PDGFC: variants seen among roughly 807,000 people sequenced by gnomAD.
The protein encoded by PDGFC is platelet derived growth factor C.
Under a neutral mutation model 35.5 loss-of-function variants are expected in PDGFC, and 12 were observed. The observed-to-expected ratio is 0.34, with a 90% CI of 0.22 to 0.55. The LOEUF (loss-of-function observed/expected upper bound fraction) is 0.55. PDGFC is among the 20% of genes least tolerant of loss of function. The pLI is 0.91. For synonymous variants in PDGFC, 159 were observed against 148.8 expected (o/e 1.07, Z -0.50); for missense variants, 322 against 412.4 (o/e 0.78, Z 1.90).
chr4:156,834,266 T>C (rs764733698), intron 2 of PDGFC, among the ~76,000 whole-genome samples: 1 of 152,190 alleles, frequency 6.6e-6, no homozygotes, highest in East Asian at 1.9e-4. Context: ...CAAACTATTA[T>C]AATCACTTTT....
At chr4:156,950,645 TAA>T (rs1732057304) in intron 1 of PDGFC, among the ~76,000 whole-genome samples, 1 of 151,822 alleles carries the variant, frequency 6.6e-6, no homozygotes, top group Admixed American at 6.6e-5. Flanking sequence ...CTTCTAAACC[TAA>T]GAGGTAGAAG....
intron 1 of PDGFC, among the ~76,000 whole-genome samples, chr4:156,865,659 G>C: frequency 6.6e-6 from 1 of 152,142 alleles, no homozygotes. Flanking sequence ...AAGACATTAT[G>C]AACAAAGAGG....
chr4:156,845,602 A>T (rs1270586948), intron 2 of PDGFC, among the ~76,000 whole-genome samples: 1 of 151,856 alleles, frequency 6.6e-6, no homozygotes, highest in African/African-American at 2.4e-5. Flanking sequence ...ATAGACATAT[A>T]AATAAACTAT....
intron 1 of PDGFC, among the ~76,000 whole-genome samples, chr4:156,873,537 C>T (rs1730036233): frequency 6.6e-6 from 1 of 152,176 alleles, no homozygotes; most frequent in Non-Finnish European, 1.5e-5. Flanking sequence ...TTTGTTTCCA[C>T]AGACATTTCC....
chr4:156,827,134 T>C (rs931345903), intron 2 of PDGFC, among the ~76,000 whole-genome samples: 1 of 152,158 alleles, frequency 6.6e-6, no homozygotes, highest in African/African-American at 2.4e-5. Context: ...TAAGAACAGA[T>C]TGGCTGGGCA....
intron 3 of PDGFC, among the ~76,000 whole-genome samples, chr4:156,776,353 T>TA (rs1560806697): frequency 6.6e-6 from 1 of 152,206 alleles, no homozygotes; most frequent in East Asian, 1.9e-4. Flanking sequence ...TTATTCTTCA[T>TA]AAAAATATGA....
chr4:156,915,718 T>A (rs775004916), intron 1 of PDGFC, among the ~76,000 whole-genome samples: 1 of 151,968 alleles, frequency 6.6e-6, no homozygotes, highest in Non-Finnish European at 1.5e-5. Flanking sequence ...CCGGCAGAGG[T>A]TGCAGTGAGT....
At chr4:156,785,512 C>T (rs939876729) in intron 3 of PDGFC, among the ~76,000 whole-genome samples, 3 of 152,114 alleles carry the variant, frequency 2.0e-5, no homozygotes, top group African/African-American at 4.8e-5. Context: ...CTGTGCCCGG[C>T]CCTAAGTTTA....
chr4:156,885,078 A>G (rs1482960559), intron 1 of PDGFC, among the ~76,000 whole-genome samples: 2 of 152,122 alleles, frequency 1.3e-5, no homozygotes, highest in Non-Finnish European at 2.9e-5. Context: ...GGTGTTAGAC[A>G]TTTCAGAATG....
intron 1 of PDGFC, among the ~76,000 whole-genome samples, chr4:156,929,557 C>A (rs888165844): frequency 3.3e-5 from 5 of 151,968 alleles, no homozygotes; most frequent in Non-Finnish European, 7.4e-5. Flanking sequence ...TGAAATCTCT[C>A]TTCTTACAGC....
At chr4:156,857,930 A>G (rs1729621267) in intron 1 of PDGFC, among the ~76,000 whole-genome samples, 2 of 152,090 alleles carry the variant, frequency 1.3e-5, no homozygotes, top group African/African-American at 4.8e-5. Flanking sequence ...TCCGATCTCA[A>G]ATAACACAAT....
chr4:156,903,944 T>C (rs1418101567), intron 1 of PDGFC, among the ~76,000 whole-genome samples: 2 of 152,198 alleles, frequency 1.3e-5, no homozygotes, highest in African/African-American at 4.8e-5. Context: ...ATCTCACTAG[T>C]GTGATTTAAT....
chr4:156,775,676 T>G (rs1184255307), intron 3 of PDGFC, among the ~76,000 whole-genome samples: 1 of 152,154 alleles, frequency 6.6e-6, no homozygotes, highest in Non-Finnish European at 1.5e-5. Flanking sequence ...CCTGTAATAA[T>G]GGGCAAACAA....
At chr4:156,783,731 T>C (rs749622490) in intron 3 of PDGFC, among the ~76,000 whole-genome samples, 2 of 152,200 alleles carry the variant, frequency 1.3e-5, no homozygotes, top group Non-Finnish European at 2.9e-5. Flanking sequence ...CAAATCTTGA[T>C]GTCTTTTGGA....
intron 1 of PDGFC, among the ~76,000 whole-genome samples, chr4:156,895,791 G>GGGTC (rs1730620911): frequency 1.3e-5 from 2 of 151,956 alleles, no homozygotes; most frequent in Non-Finnish European, 2.9e-5. Flanking sequence ...TATGAGACAC[G>GGGTC]GGTCACACAG....
chr4:156,825,575 TAA>T (rs1732426738), intron 2 of PDGFC, among the ~76,000 whole-genome samples: 2 of 95,576 alleles, frequency 2.1e-5, no homozygotes, highest in African/African-American at 1.1e-4. Context: ...ATAATAATAA[TAA>T]TAATAATAAT....
intron 1 of PDGFC, among the ~76,000 whole-genome samples, chr4:156,955,077 T>C (rs7680560): frequency 0.036 from 5,507 of 152,056 alleles, 342 homozygotes; most frequent in African/African-American, 0.13. Context: ...AAGAGAGACA[T>C]ATTAGACTGA....
At chr4:156,871,858 G>A (rs1729991851) in intron 1 of PDGFC, among the ~76,000 whole-genome samples, 1 of 151,692 alleles carries the variant, frequency 6.6e-6, no homozygotes, top group African/African-American at 2.4e-5. Context: ...CACACAGAAA[G>A]ATAAAAGTGA....
intron 1 of PDGFC, among the ~76,000 whole-genome samples, chr4:156,852,029 T>C (rs1417019589): frequency 2.7e-5 from 4 of 150,758 alleles, no homozygotes; most frequent in Non-Finnish European, 5.9e-5. Flanking sequence ...CTTTTAAATA[T>C]CCCTTATTGA....
Sources: gnomAD v4.1 joint callset for allele counts (sites outside exome capture counted in the v4.1 genomes callset) on GRCh38, gnomAD v4.1.1 for gene constraint, MANE v1.5 for transcripts, NCBI Gene and HGNC (gene_info 2026-07-23, HGNC 2026-07-21) for gene names.